MAN1C1: variants seen among roughly 807,000 people sequenced by gnomAD.
MAN1C1 encodes mannosidase alpha class 1C member 1, also known as mannosyl-oligosaccharide 1,2-alpha-mannosidase IC.
Under a neutral mutation model 71.5 loss-of-function variants are expected in MAN1C1, and 49 were observed. The ratio of observed to expected loss-of-function variants is 0.69; its 90% CI spans 0.54 to 0.87. The LOEUF is 0.87. MAN1C1 is among the 40% of genes least tolerant of loss of function. The probability of loss-of-function intolerance (pLI) is 0.00; values close to 1 mark genes in which losing one functional copy is unlikely to be tolerated. For missense variants in MAN1C1, 743 were observed against 835.0 expected (o/e 0.89, Z 1.36); for synonymous variants, 352 against 343.7 (o/e 1.02, Z -0.27).
At chr1:25,729,692 A>G (rs2124297351) in intron 2 of MAN1C1, among the ~76,000 whole-genome samples, 1 of 151,996 alleles carries the variant, frequency 6.6e-6, no homozygotes, top group East Asian at 1.9e-4. Context: ...TTATATTTTT[A>G]ATAGAGACAG....
intron 2 of MAN1C1, among the ~76,000 whole-genome samples, chr1:25,739,673 C>A (rs2047032136): frequency 6.6e-6 from 1 of 152,104 alleles, no homozygotes. Flanking sequence ...GCTGGAGGTT[C>A]ATTTCCTTGT....
At chr1:25,636,920 C>T (rs1054831702) in intron 1 of MAN1C1, among the ~76,000 whole-genome samples, 3 of 151,952 alleles carry the variant, frequency 2.0e-5, no homozygotes, top group Non-Finnish European at 2.9e-5. Flanking sequence ...TTTGGGAGGC[C>T]GAGGCAGGTG....
rs775929600 is a variant in MAN1C1, at chr1:25,746,678, C to A, written c.648C>A (p.Ser216Arg). The change falls in exon 3 of 12, where the codon AGC becomes AGA. Residue 216 changes from serine to arginine, a missense_variant. Ser to Arg is a moderately radical substitution (Grantham distance 110, BLOSUM62 -1). Coordinates refer to ENST00000374332, the MANE Select transcript of MAN1C1 (RefSeq NM_020379.4). The surrounding 1 kb of genome is among the most constrained non-coding windows in gnomAD (Gnocchi z 4.0). ...GYEGNMFGGL[S>R]GATVIDSLDT... ...GCTCTGTGCCTGCAGGAGGCCTCAG[C>A]GGGGCAACAGTCATTGACTCCCTCG... 9 of 1,613,182 alleles carry A rather than the reference C, an allele frequency of 5.6e-6. No individual in the cohort carries two copies. The South Asian group carries it at 9.9e-5, about 18-fold the overall frequency.
chr1:25,691,566 G>A (rs534545173), intron 2 of MAN1C1, among the ~76,000 whole-genome samples: 8 of 152,344 alleles, frequency 5.3e-5, no homozygotes, highest in African/African-American at 1.9e-4. Flanking sequence ...AGCGTCAGCT[G>A]CGATGAGGAT....
chr1:25,738,487 A>C (rs1162750458), intron 2 of MAN1C1, among the ~76,000 whole-genome samples: 1 of 152,186 alleles, frequency 6.6e-6, no homozygotes, highest in Non-Finnish European at 1.5e-5. Flanking sequence ...ATTACTCCAA[A>C]ACTTGGGGGC....
rs924401234 is a variant in MAN1C1 at position 25,782,839 on chromosome 1, G to C, written c.1766+139G>C. Reference sequence around the variant, plus strand: ...GGGTGAAGGGCTTGGGATCCAGAGGGCTGCACCCCAGGTGTGAGCCTTGGG... The same window carrying C: ...GGGTGAAGGGCTTGGGATCCAGAGGCCTGCACCCCAGGTGTGAGCCTTGGG... On this transcript the variant is annotated intron_variant, in intron 11 of 11. Coordinates refer to ENST00000374332, the MANE Select transcript of MAN1C1 (RefSeq NM_020379.4). The surrounding 1 kb of genome is among the most constrained non-coding windows in gnomAD (Gnocchi z 4.4). The C allele has an allele frequency of 1.6e-6, 1 of 644,934 alleles. No homozygotes were observed. Among genetic ancestry groups the C allele is most frequent in the African/African-American group, 1.8e-5 (1 of 54,372 alleles). The allele number at this position is 644,934 out of a possible 1,614,324, so 40.0% of individuals were successfully genotyped here.
chr1:25,724,216 A>G (rs544303806), intron 2 of MAN1C1, among the ~76,000 whole-genome samples: 1 of 152,076 alleles, frequency 6.6e-6, no homozygotes, highest in East Asian at 1.9e-4. Context: ...TTTAATAGAG[A>G]TGGGGTTTCA....
intron 2 of MAN1C1, among the ~76,000 whole-genome samples, chr1:25,707,766 T>G (rs2046544019): frequency 6.6e-6 from 1 of 152,198 alleles, no homozygotes; most frequent in East Asian, 1.9e-4. Flanking sequence ...TTGCTTGTAA[T>G]TGTCAAATGG....
intron 2 of MAN1C1, among the ~76,000 whole-genome samples, chr1:25,713,189 C>T (rs2046636822): frequency 6.6e-6 from 1 of 151,596 alleles, no homozygotes; most frequent in African/African-American, 2.4e-5. Flanking sequence ...TCCTGCCTGC[C>T]TCTCAGTCCA....
chr1:25,713,408 C>G (rs537153950), intron 2 of MAN1C1, among the ~76,000 whole-genome samples: 32 of 152,334 alleles, frequency 2.1e-4, no homozygotes, highest in African/African-American at 6.0e-4. Flanking sequence ...AATGGCAAAG[C>G]AAAATTCATA....
At chr1:25,661,561 A>G (rs2045849622) in intron 1 of MAN1C1, among the ~76,000 whole-genome samples, 2 of 152,142 alleles carry the variant, frequency 1.3e-5, no homozygotes, top group Admixed American at 6.5e-5. Context: ...CCTCACACCA[A>G]AGGAGACAAG....
chr1:25,752,699 C>G (rs2047232480), intron 4 of MAN1C1, among the ~76,000 whole-genome samples: 2 of 152,242 alleles, frequency 1.3e-5, no homozygotes, highest in Non-Finnish European at 2.9e-5. Context: ...TCAGACATCT[C>G]AGAACAGTTT....
intron 1 of MAN1C1, among the ~76,000 whole-genome samples, chr1:25,639,547 G>T (rs2045510134): frequency 6.6e-6 from 1 of 152,098 alleles, no homozygotes; most frequent in African/African-American, 2.4e-5. Context: ...CTTGCCTCTG[G>T]CTACTATATT....
At chr1:25,690,288 CTTTTTTTTTTT>C (rs33932251) in intron 2 of MAN1C1, among the ~76,000 whole-genome samples, 1 of 119,758 alleles carries the variant, frequency 8.4e-6, no homozygotes, top group African/African-American at 3.6e-5. Flanking sequence ...ATCTCTGCCT[CTTTTTTTTTTT>C]TTTTTTTTTT....
chr1:25,719,653 C>T (rs1164128317), intron 2 of MAN1C1, among the ~76,000 whole-genome samples: 1 of 151,890 alleles, frequency 6.6e-6, no homozygotes, highest in African/African-American at 2.4e-5. Flanking sequence ...GTCTTGAACT[C>T]CTTGCCTCAA....
chr1:25,775,253 G>A lies in MAN1C1; in HGVS notation c.1258-2852G>A, dbSNP rs1408929296. Among the ~76,000 whole-genome samples the A allele has an allele frequency of 1.3e-5, 2 of 152,206 alleles. No individual in the cohort carries two copies. Among genetic ancestry groups the A allele is most frequent in the Non-Finnish European group, 2.9e-5 (2 of 68,036 alleles). ...AGCTGCCAGGGACATGGCTCTGCCC[G>A]GGAGCCAGGCCGGGCCCAGAGCAGA... On this transcript the variant is annotated intron_variant, in intron 8 of 11. Transcript: ENST00000374332. The surrounding 1 kb of genome is among the most constrained non-coding windows in gnomAD (Gnocchi z 5.1).
intron 1 of MAN1C1, among the ~76,000 whole-genome samples, chr1:25,635,743 C>T (rs532831344): frequency 7.9e-5 from 12 of 152,240 alleles, no homozygotes; most frequent in African/African-American, 2.9e-4. Context: ...GCCACTATAC[C>T]CCACCTCATT....
intron 2 of MAN1C1, among the ~76,000 whole-genome samples, chr1:25,724,026 CTTTTTTTT>C (rs1209904579): frequency 1.5e-5 from 2 of 135,478 alleles, no homozygotes; most frequent in Admixed American, 7.4e-5. Context: ...GACTGCCTAC[CTTTTTTTT>C]TTTTTTTTTT....
chr1:25,628,812 C>G (rs2045337953), intron 1 of MAN1C1, among the ~76,000 whole-genome samples: 2 of 152,140 alleles, frequency 1.3e-5, no homozygotes, highest in South Asian at 4.1e-4. Context: ...ATAGTCATAA[C>G]TTAGCTCCCA....
Sources: gnomAD v4.1 joint callset for allele counts (sites outside exome capture counted in the v4.1 genomes callset) on GRCh38, gnomAD v4.1.1 for gene constraint, Gnocchi (gnomAD v3.1) non-coding constraint, MANE v1.5 for transcripts, NCBI Gene and HGNC (gene_info 2026-07-23, HGNC 2026-07-21) for gene names.